The following KCNK5 variants were observed in gnomAD, a reference collection of about 807,000 sequenced individuals.
The protein encoded by KCNK5 is potassium two pore domain channel subfamily K member 5.
Under a neutral mutation model 32.9 loss-of-function variants are expected in KCNK5, and 18 were observed. The observed-to-expected ratio is 0.55, with a 90% confidence interval of 0.38 to 0.81. The LOEUF is 0.81. Among genes scored for constraint, KCNK5 ranks in the 30% least tolerant of loss-of-function variants. KCNK5 has a pLI of 0.00. For synonymous variants in KCNK5, 276 were observed against 275.3 expected (o/e 1.00, Z -0.03); for missense variants, 507 against 651.0 (o/e 0.78, Z 2.41).
chr6:39,195,809 G>T, intron 2 of KCNK5, 67 bp downstream of exon 2: 1 of 1,163,768 alleles, frequency 8.6e-7, no homozygotes, highest in Non-Finnish European at 1.3e-6. Flanking sequence ...CCAGAGCTGG[G>T]TTTCTAGAAA....
In KCNK5 at chr6:39,194,613, G is replaced by A; in HGVS notation, c.446C>T (p.Thr149Ile). 1.2e-6 allele frequency: 2 copies of A among 1,614,078 alleles called. No individual in the cohort carries two copies. The highest frequency in any genetic ancestry group is 1.7e-6 in the Non-Finnish European group (2 of 1,180,010). The change falls in exon 3 of 5, where the codon ACC (threonine) becomes ATC (isoleucine). Residue 149 changes from threonine (T) to isoleucine (I), a missense_variant. By Grantham distance (89) the Thr-to-Ile change is moderately conservative. Transcript: ENST00000359534. This position sits in a 1 kb window ranked among gnomAD's most constrained non-coding sequence, Gnocchi z 4.7. ...ACATACCAGACTCACACCTCTCTTG[G>A]TAAGGAACTGCCCTAGTCTCTTGGC... ...GRAKRLGQFLTKRGVSLRKAQ... is the reference protein window; with the variant it reads ...GRAKRLGQFLIKRGVSLRKAQ...
intron 4 of KCNK5, among the ~76,000 whole-genome samples, chr6:39,193,158 A>ACCT (rs879337047): frequency 0.019 from 2,969 of 152,308 alleles, 39 homozygotes; most frequent in South Asian, 0.034. Context: ...GTGCTGAGAA[A>ACCT]GTATGGCTAA....
chr6:39,192,589 G>A (rs555618918), intron 4 of KCNK5, among the ~76,000 whole-genome samples: 8 of 152,284 alleles, frequency 5.3e-5, no homozygotes, highest in East Asian at 1.9e-4. Context: ...AGCACCCACC[G>A]TGGCAAGAAA....
chr6:39,223,717 C>G (rs1771601119), intron 1 of KCNK5, among the ~76,000 whole-genome samples: 1 of 152,192 alleles, frequency 6.6e-6, no homozygotes, highest in Admixed American at 6.5e-5. Context: ...ACCACACACA[C>G]AGTTCAGAGG....
At chr6:39,228,656 G>C (rs934524692) in intron 1 of KCNK5, among the ~76,000 whole-genome samples, 3 of 152,142 alleles carry the variant, frequency 2.0e-5, no homozygotes, top group African/African-American at 7.2e-5. Flanking sequence ...CTGAAACACC[G>C]TGGAGCCTAG....
rs372648931 is a variant in KCNK5, at chr6:39,196,003, G to A, written c.187-16C>T. ...CAGATACCACCTAAAATGAGAAACA[G>A]TAAAGGTCAGAGCTGAGGCCACACT... On this transcript the variant is annotated splice_polypyrimidine_tract_variant and intron_variant, in intron 1 of 4. Coordinates refer to ENST00000359534, the MANE Select transcript of KCNK5 (RefSeq NM_003740.4). The A allele has an allele frequency of 6.4e-5, 101 of 1,589,784 alleles. No homozygotes were observed. The African/African-American group carries it at 1.1e-3, about 18-fold the overall frequency.
intron 1 of KCNK5, among the ~76,000 whole-genome samples, chr6:39,224,160 C>T (rs565283609): frequency 4.9e-4 from 74 of 150,962 alleles, no homozygotes; most frequent in Middle Eastern, 3.4e-3. Context: ...GAAGGGACCT[C>T]TTCAATTTCC....
At chr6:39,202,322 A>G (rs1430783226) in intron 1 of KCNK5, among the ~76,000 whole-genome samples, 1 of 152,058 alleles carries the variant, frequency 6.6e-6, no homozygotes, top group Non-Finnish European at 1.5e-5. Flanking sequence ...AAGCCTGAAG[A>G]GCAAGAGGGC....
rs1254357794 is a variant in KCNK5 at position 39,191,556 on chromosome 6, C to G, written c.834G>C (p.Gln278His). Reference protein sequence around the residue: ...ESSPHSRKALQVKGSTASKDV... With the variant: ...ESSPHSRKALHVKGSTASKDV... ...CCTTGGAGGCTGTGCTCCCCTTCAC[C>G]TGCAGGGCCTTCCGGGAGTGTGGGG... Residue 278 changes from glutamine to histidine, a missense_variant, in exon 5 of 5, where the codon CAG (glutamine) becomes CAC (histidine). Gln to His is a conservative substitution (Grantham distance 24). Around this residue, in one of 6 missense-constraint regions of KCNK5, gnomAD observed 42 missense variants for 35.3 expected, o/e 1.19. Coordinates refer to ENST00000359534, the MANE Select transcript of KCNK5 (RefSeq NM_003740.4). The surrounding 1 kb of genome is among the most constrained non-coding windows in gnomAD (Gnocchi z 5.8). The G allele has an allele frequency of 6.2e-7, 1 of 1,614,040 alleles. No homozygotes were observed. The highest frequency in any genetic ancestry group is 8.5e-7 in the Non-Finnish European group (1 of 1,180,036).
chr6:39,199,797 T>G (rs908968634), intron 1 of KCNK5, among the ~76,000 whole-genome samples: 2 of 152,200 alleles, frequency 1.3e-5, no homozygotes, highest in Admixed American at 6.5e-5. Flanking sequence ...GGAGAGAAGC[T>G]GTGCTAGTGC....
intron 1 of KCNK5, among the ~76,000 whole-genome samples, chr6:39,210,047 G>A (rs1771304113): frequency 6.6e-6 from 1 of 152,150 alleles, no homozygotes; most frequent in Admixed American, 6.5e-5. Flanking sequence ...GTGGCCGGGA[G>A]GATATAATGA....
At chr6:39,214,692 T>C (rs553196094) in intron 1 of KCNK5, among the ~76,000 whole-genome samples, 1 of 151,948 alleles carries the variant, frequency 6.6e-6, no homozygotes, top group Non-Finnish European at 1.5e-5. Context: ...GACCAGGCAA[T>C]AGTCCCCGTG....
chr6:39,192,283 C>CAAA (rs1226626372), intron 4 of KCNK5, among the ~76,000 whole-genome samples: 19,635 of 46,626 alleles, frequency 0.42, 7,491 homozygotes, highest in Non-Finnish European at 0.49. Context: ...GACTCCGTCT[C>CAAA]AAAAAAAAAA....
rs2815123 is a variant in KCNK5 at position 39,224,721 on chromosome 6, T to C, written c.186+4205A>G. On this transcript the variant is annotated intron_variant, in intron 1 of 4. Transcript: ENST00000359534. ...GCAAAACCTGGACTTTGGTCTGGGA[T>C]GCTAGACAGAGGGCAGGACCTAGGG... Among the ~76,000 whole-genome samples the C allele has an allele frequency of 6.1e-4, 93 of 152,184 alleles. 1 individual carries two copies. The East Asian group carries it at 0.014, about 22-fold the overall frequency.
At position 39,191,412 on chromosome 6, in the gene KCNK5, C is replaced by CCCTGGG; in HGVS notation, c.972_977dup (p.Pro325_Gly326dup). 3 of 1,613,296 alleles carry CCCTGGG rather than the reference C, an allele frequency of 1.9e-6. No individual in the cohort carries two copies. The highest frequency in any genetic ancestry group is 2.5e-6 in the Non-Finnish European group (3 of 1,180,004). Reference sequence around the variant, plus strand: ...GGAGCCCACCGCCTTGAGGCCCCAGCCCTGGGCCCGGGCCCGTCTCCCCAC... The same window carrying CCCTGGG: ...GGAGCCCACCGCCTTGAGGCCCCAGCCCTGGGCCTGGGCCCGGGCCCGTCTCCCCAC... On this transcript the variant is annotated inframe_insertion, in exon 5 of 5. Coordinates refer to ENST00000359534, the MANE Select transcript of KCNK5 (RefSeq NM_003740.4). The surrounding 1 kb of genome is among the most constrained non-coding windows in gnomAD (Gnocchi z 5.8).
chr6:39,220,239 G>C (rs1771521202), intron 1 of KCNK5, among the ~76,000 whole-genome samples: 1 of 152,206 alleles, frequency 6.6e-6, no homozygotes, highest in Non-Finnish European at 1.5e-5. Context: ...TCATAGCAGG[G>C]GCCCAGCTAA....
intron 1 of KCNK5, among the ~76,000 whole-genome samples, chr6:39,207,415 C>T (rs551543809): frequency 3.3e-5 from 5 of 152,314 alleles, no homozygotes; most frequent in Non-Finnish European, 5.9e-5. Context: ...GTCTCCAAGA[C>T]GTGTGCCTTC....
At position 39,229,324 on chromosome 6, in the gene KCNK5, C is replaced by G; in HGVS notation, c.-213G>C. ...GGGGAGCTGCGTGGGGCCCCACTCACGCGGCCCGGGGTGGGCGAACACCAG... is the reference window on the plus strand; with the variant it reads ...GGGGAGCTGCGTGGGGCCCCACTCAGGCGGCCCGGGGTGGGCGAACACCAG... On this transcript the variant is annotated 5_prime_UTR_variant, in exon 1 of 5. Transcript: ENST00000359534. 1 of 608,716 alleles carries G rather than the reference C, an allele frequency of 1.6e-6. No homozygotes were observed. The allele number at this position is 608,716 out of a possible 1,614,324, so 37.7% of individuals were successfully genotyped here.
intron 1 of KCNK5, among the ~76,000 whole-genome samples, chr6:39,205,240 G>A (rs1438942556): frequency 6.6e-6 from 1 of 152,150 alleles, no homozygotes; most frequent in African/African-American, 2.4e-5. Context: ...CCCTGTGCGG[G>A]CAGACACAGG....
Sources: gnomAD v4.1 joint callset for allele counts (sites outside exome capture counted in the v4.1 genomes callset) on GRCh38, gnomAD v4.1.1 for gene constraint, gnomAD v4.1.1 regional missense constraint, Gnocchi (gnomAD v3.1) non-coding constraint, MANE v1.5 for transcripts, NCBI Gene and HGNC (gene_info 2026-07-23, HGNC 2026-07-21) for gene names.